The following COPS4 variants were observed in gnomAD, a reference collection of about 807,000 sequenced individuals.
COPS4 encodes the protein COP9 signalosome subunit 4.
COPS4 carries 8 observed loss-of-function variants against 55.1 expected under a neutral mutation model. That is an observed-to-expected ratio of 0.15 (90% confidence interval 0.09 to 0.26). COPS4 has a LOEUF of 0.26. Ranked by LOEUF, COPS4 falls within the 10% of genes least tolerant of loss-of-function variation. COPS4 has a pLI of 1.00. For missense variants in COPS4, 248 were observed against 484.0 expected (o/e 0.51, Z 4.58); for synonymous variants, 185 against 165.7 (o/e 1.12, Z -0.90).
intron 7 of COPS4, among the ~76,000 whole-genome samples, chr4:83,063,601 G>A (rs550560005): frequency 6.7e-6 from 1 of 150,320 alleles, no homozygotes; most frequent in South Asian, 2.1e-4. Flanking sequence ...TAGAGATGGG[G>A]TTTCACCGTG....
At position 83,053,765 on chromosome 4, in the gene COPS4, G is replaced by A. The variant is rs537547078; in HGVS notation, c.411-3161G>A. On this transcript the variant is annotated intron_variant, in intron 4 of 9. Coordinates refer to ENST00000264389, the MANE Select transcript of COPS4 (RefSeq NM_016129.3). ...TGAAGCACAAGAATCATTTGAACCC[G>A]GGATGTGGAGGTTGCAGTGAGCCGA... Among the ~76,000 whole-genome samples the A allele has an allele frequency of 5.5e-5, 8 of 146,598 alleles. No individual in the cohort carries two copies. The South Asian group carries it at 1.5e-3, about 27-fold the overall frequency.
chr4:83,072,548 A>G (rs1229014432), intron 9 of COPS4, among the ~76,000 whole-genome samples: 1 of 152,260 alleles, frequency 6.6e-6, no homozygotes, highest in Non-Finnish European at 1.5e-5. Flanking sequence ...ACCTTGGAAT[A>G]AAACTAGTGT....
At chr4:83,057,649 G>A (rs563367817) in intron 6 of COPS4, among the ~76,000 whole-genome samples, 5 of 152,176 alleles carry the variant, frequency 3.3e-5, no homozygotes, top group Admixed American at 6.5e-5. Flanking sequence ...AGGGCTGGGC[G>A]CGGTGGCTCA....
intron 4 of COPS4, among the ~76,000 whole-genome samples, chr4:83,050,353 A>G (rs1376188327): frequency 2.0e-5 from 3 of 152,070 alleles, no homozygotes; most frequent in African/African-American, 7.2e-5. Flanking sequence ...GCTGGAGTGC[A>G]GTGGCATGAT....
intron 9 of COPS4, among the ~76,000 whole-genome samples, chr4:83,071,115 T>C (rs1023381457): frequency 6.6e-6 from 1 of 152,254 alleles, no homozygotes; most frequent in African/African-American, 2.4e-5. Flanking sequence ...CCTGAATTTC[T>C]TCCTAGAATT....
At chr4:83,042,655 T>TG (rs1277251471) in intron 1 of COPS4, among the ~76,000 whole-genome samples, 1 of 152,008 alleles carries the variant, frequency 6.6e-6, no homozygotes, top group Non-Finnish European at 1.5e-5. Flanking sequence ...AGGTTGGAGT[T>TG]GCAGTGGCAA....
chr4:83,049,817 T>A, intron 3 of COPS4, 64 bp from the exon 4 acceptor site: 1 of 932,222 alleles, frequency 1.1e-6, no homozygotes, highest in Non-Finnish European at 1.6e-6. Context: ...ATAACTTTCC[T>A]ATTTATTTTA....
At chr4:83,035,668 T>C (rs1447268119) in intron 1 of COPS4, 3 of 190,332 alleles carry the variant, frequency 1.6e-5, no homozygotes, top group African/African-American at 7.0e-5. Flanking sequence ...TGGCCTCTCT[T>C]TGGACCTTCC....
intron 6 of COPS4, among the ~76,000 whole-genome samples, chr4:83,061,521 A>G (rs1731163869): frequency 6.6e-6 from 1 of 152,072 alleles, no homozygotes; most frequent in Non-Finnish European, 1.5e-5. Context: ...TTTCCTTGTT[A>G]TTTAGTATTC....
At chr4:83,047,951 A>G (rs980158236) in intron 2 of COPS4, among the ~76,000 whole-genome samples, 7 of 152,064 alleles carry the variant, frequency 4.6e-5, no homozygotes, top group African/African-American at 1.7e-4. Flanking sequence ...CAGTGAGCCA[A>G]GATGGTGCCA....
chr4:83,057,794 C>T (rs941940540), intron 6 of COPS4, among the ~76,000 whole-genome samples: 3 of 151,444 alleles, frequency 2.0e-5, no homozygotes, highest in East Asian at 1.9e-4. Flanking sequence ...TGGTGGCAGG[C>T]GCCTGTAGTC....
At chr4:83,075,132 T>G (rs1731541085) in intron 9 of COPS4, among the ~76,000 whole-genome samples, 165 bp from the exon 10 acceptor site, 1 of 151,982 alleles carries the variant, frequency 6.6e-6, no homozygotes, top group Non-Finnish European at 1.5e-5. Flanking sequence ...AGAAAAGTAT[T>G]TATTGTTTTT....
chr4:83,052,012 A>T (rs1248646574), intron 4 of COPS4, among the ~76,000 whole-genome samples: 1 of 152,184 alleles, frequency 6.6e-6, no homozygotes, highest in East Asian at 1.9e-4. Flanking sequence ...GTCAAGTAAG[A>T]TAAGGAGTAC....
chr4:83,073,979 G>C (rs1239392400), intron 9 of COPS4, among the ~76,000 whole-genome samples: 1 of 151,608 alleles, frequency 6.6e-6, no homozygotes, highest in Non-Finnish European at 1.5e-5. Context: ...AGATTTTATA[G>C]GTTGCTTTTT....
chr4:83,049,337 GT>G lies in COPS4; in HGVS notation c.306+26del. 1 of 1,555,028 alleles carries G rather than the reference GT, an allele frequency of 6.4e-7. No individual in the cohort carries two copies. Among genetic ancestry groups the G allele is most frequent in the Non-Finnish European group, 8.6e-7 (1 of 1,156,130 alleles). ...GAGCAGGTAAAAATCTAGAGAAGTG[GT>G]TTTTTAACTTGAGATAGCAGCAGTT... On this transcript the variant is annotated intron_variant, in intron 3 of 9. Transcript: ENST00000264389.
intron 7 of COPS4, among the ~76,000 whole-genome samples, chr4:83,064,041 A>G (rs1731238657): frequency 6.6e-6 from 1 of 152,164 alleles, no homozygotes; most frequent in Admixed American, 6.5e-5. Context: ...ACTACTTAAA[A>G]AATATATATT....
chr4:83,063,062 T>C lies in COPS4; in HGVS notation c.716-14T>C. ...ATAACATTGTGAAATTTGATGCTCA[T>C]TTATTTCTCTTAGGGCAGCAGCGTT... On this transcript the variant is annotated splice_polypyrimidine_tract_variant and intron_variant, in intron 6 of 9. Transcript: ENST00000264389. The C allele has an allele frequency of 6.6e-7, 1 of 1,517,774 alleles. No homozygotes were observed. The highest frequency in any genetic ancestry group is 1.4e-5 in the African/African-American group (1 of 69,512). 94.0% of individuals were successfully genotyped at this position (1,517,774 alleles called of 1,614,324 possible). A position where few individuals can be genotyped will look rare whatever the true frequency, so the allele number is the denominator to read the frequency against.
chr4:83,068,002 T>A (rs1303497034), intron 8 of COPS4, among the ~76,000 whole-genome samples: 1 of 152,232 alleles, frequency 6.6e-6, no homozygotes, highest in African/African-American at 2.4e-5. Flanking sequence ...TTCTTTTAAT[T>A]GTCTTTTAAA....
At chr4:83,071,996 T>C (rs1213352388) in intron 9 of COPS4, among the ~76,000 whole-genome samples, 1 of 151,400 alleles carries the variant, frequency 6.6e-6, no homozygotes, top group Admixed American at 6.6e-5. Flanking sequence ...AGACGTGAGC[T>C]ACCGCTCCTG....
Sources: gnomAD v4.1 joint callset for allele counts (sites outside exome capture counted in the v4.1 genomes callset) on GRCh38, gnomAD v4.1.1 for gene constraint, MANE v1.5 for transcripts, NCBI Gene and HGNC (gene_info 2026-07-23, HGNC 2026-07-21) for gene names.